Variants in KCNQ1 observed in about 807,000 individuals in gnomAD.
KCNQ1 encodes the protein potassium voltage-gated channel subfamily KQT member 1.
Under a neutral mutation model 72.4 loss-of-function variants are expected in KCNQ1, and 49 were observed. The ratio of observed to expected loss-of-function variants is 0.68; its 90% CI spans 0.54 to 0.86. KCNQ1 has a LOEUF of 0.86. KCNQ1 is among the 40% of genes least tolerant of loss of function. The probability of loss-of-function intolerance (pLI) is 0.00; values close to 1 mark genes in which losing one functional copy is unlikely to be tolerated. For missense variants in KCNQ1, 790 were observed against 945.1 expected (o/e 0.84, Z 2.15); for synonymous variants, 450 against 412.6 (o/e 1.09, Z -1.10).
chr11:2,467,956 C>T (rs149247274), intron 1 of KCNQ1, among the ~76,000 whole-genome samples: 57 of 152,328 alleles, frequency 3.7e-4, no homozygotes, highest in Middle Eastern at 6.8e-3. Context: ...GCTGGCCCAG[C>T]GTGGGGACCT....
Position 2,682,818 on chromosome 11 carries a change from C to T in KCNQ1, c.1514+20737C>T, listed in dbSNP as rs901631509. The T allele has an allele frequency of 2.5e-6, 1 of 398,482 alleles. No individual in the cohort carries two copies. The highest frequency in any genetic ancestry group is 4.4e-6 in the Non-Finnish European group (1 of 226,074). The allele number at this position is 398,482 out of a possible 1,614,324, so 24.7% of individuals were successfully genotyped here. On this transcript the variant is annotated intron_variant, in intron 11 of 15. Coordinates refer to ENST00000155840, the MANE Select transcript of KCNQ1 (RefSeq NM_000218.3). The surrounding 1 kb of genome is among the most constrained non-coding windows in gnomAD (Gnocchi z 5.8). ...AATGCAGTGACTTGCAGTGATCCTC[C>T]TGGGGCCTTGTATAGAAGAGACCAT...
rs981441402 is a variant in KCNQ1 at position 2,674,396 on chromosome 11, C to T, written c.1514+12315C>T. The T allele has an allele frequency of 1.0e-4, 15 of 148,450 alleles. No individual in the cohort carries two copies. Among genetic ancestry groups the T allele is most frequent in the East Asian group, 2.2e-4 (1 of 4,626 alleles). The allele number at this position is 148,450 out of a possible 1,614,324, so 9.2% of individuals were successfully genotyped here. A position where few individuals can be genotyped will look rare whatever the true frequency, so the allele number is the denominator to read the frequency against. On this transcript the variant is annotated intron_variant, in intron 11 of 15. Coordinates refer to ENST00000155840, the MANE Select transcript of KCNQ1 (RefSeq NM_000218.3). The surrounding 1 kb of genome is among the most constrained non-coding windows in gnomAD (Gnocchi z 5.9). ...CCTGCTTAGGGAAGGTGCATGCGTG[C>T]GTGTGTGTGTGCGCGCCCGCGCGCA...
At chr11:2,708,996 A>G (rs1371082447) in intron 11 of KCNQ1, among the ~76,000 whole-genome samples, 1 of 152,068 alleles carries the variant, frequency 6.6e-6, no homozygotes, top group Non-Finnish European at 1.5e-5. Context: ...TCAGAGAAGC[A>G]TATGTTTAAA....
chr11:2,634,021 G>A (rs1211795113), intron 10 of KCNQ1: 3 of 398,424 alleles, frequency 7.5e-6, no homozygotes, highest in African/African-American at 4.1e-5. Flanking sequence ...GCAGTGTAGT[G>A]CCTCCAGCTT....
chr11:2,810,445 TC>T (rs1296036025), intron 15 of KCNQ1, among the ~76,000 whole-genome samples: 1 of 152,136 alleles, frequency 6.6e-6, no homozygotes, highest in Non-Finnish European at 1.5e-5. Flanking sequence ...TCAACTTTCT[TC>T]CCCTTTTTTA....
At chr11:2,578,585 G>A (rs181529529) in intron 6 of KCNQ1, among the ~76,000 whole-genome samples, 1 of 152,368 alleles carries the variant, frequency 6.6e-6, no homozygotes, top group East Asian at 1.9e-4. Context: ...TTGGCCCAGA[G>A]CCTCCATGAA....
rs1013656304 is a variant in KCNQ1, at chr11:2,471,984, A to G, written c.386+26500A>G. ...CATATATATGGGTGTGTGTGCACCT[A>G]TGTGTATAAGTGTGTGTGCACATGT... On this transcript the variant is annotated intron_variant, in intron 1 of 15. Transcript: ENST00000155840. The surrounding 1 kb of genome is among the most constrained non-coding windows in gnomAD (Gnocchi z 4.8). Among the ~76,000 whole-genome samples the G allele has an allele frequency of 6.8e-6, 1 of 147,910 alleles. No individual in the cohort carries two copies. The highest frequency in any genetic ancestry group is 2.1e-4 in the East Asian group (1 of 4,868).
rs1244320119 is a variant in KCNQ1, at chr11:2,670,777, T to G, written c.1514+8696T>G. The G allele has an allele frequency of 7.5e-6, 3 of 398,614 alleles. No individual in the cohort carries two copies. The highest frequency in any genetic ancestry group is 1.3e-5 in the Non-Finnish European group (3 of 226,082). 24.7% of individuals were successfully genotyped at this position (398,614 alleles called of 1,614,324 possible). ...GCCAGTGGCTCTTGTGGCTGCCCTCTGCAATAAGAATTCTTCAAGTTCAGC... is the reference window on the plus strand; with the variant it reads ...GCCAGTGGCTCTTGTGGCTGCCCTCGGCAATAAGAATTCTTCAAGTTCAGC... On this transcript the variant is annotated intron_variant, in intron 11 of 15. Transcript: ENST00000155840. This position sits in a 1 kb window ranked among gnomAD's most constrained non-coding sequence, Gnocchi z 4.9.
rs972146885 is a variant in KCNQ1, at chr11:2,564,467, G to A, written c.478-6161G>A. ...AAAGATTAGCCGGGTGTGGTGGTGG[G>A]TGCCTCTAATCCAGCTACTCAGGGG... On this transcript the variant is annotated intron_variant, in intron 2 of 15. Transcript: ENST00000155840. This position sits in a 1 kb window ranked among gnomAD's most constrained non-coding sequence, Gnocchi z 4.5. Among the ~76,000 whole-genome samples the A allele has an allele frequency of 5.3e-5, 8 of 152,076 alleles. No individual in the cohort carries two copies. The highest frequency in any genetic ancestry group is 7.4e-5 in the Non-Finnish European group (5 of 68,006).
rs1846511780 is a variant in KCNQ1 at position 2,767,097 on chromosome 11, G to C, written c.1515-1747G>C. On this transcript the variant is annotated intron_variant, in intron 11 of 15. Transcript: ENST00000155840. This position sits in a 1 kb window ranked among gnomAD's most constrained non-coding sequence, Gnocchi z 4.6. Reference sequence around the variant, plus strand: ...GCAGAAAAATCACTTGAACCCGGGAGGCGGAGGCTGCAGTGAGCCGAGGTT... The same window carrying C: ...GCAGAAAAATCACTTGAACCCGGGACGCGGAGGCTGCAGTGAGCCGAGGTT... 6.6e-6 allele frequency among the ~76,000 whole-genome samples: 1 copy of C among 152,252 alleles called. No individual in the cohort carries two copies. The highest frequency in any genetic ancestry group is 6.5e-5 in the Admixed American group (1 of 15,294).
intron 13 of KCNQ1, among the ~76,000 whole-genome samples, 166 bp from the exon 14 acceptor site, chr11:2,776,820 G>T (rs886879798): frequency 6.6e-6 from 1 of 152,214 alleles, no homozygotes; most frequent in Non-Finnish European, 1.5e-5. Context: ...TGGCCCTCTG[G>T]GGGGTTGGGA....
In KCNQ1 at chr11:2,647,903, A is replaced by T. The variant is rs1453542383; in HGVS notation, c.1394-14058A>T. ...GGTTAGTCTAGCTAATGGTTTATTGATTTTCTCTTTTCAAAAAATCAGTTT... is the reference window on the plus strand; with the variant it reads ...GGTTAGTCTAGCTAATGGTTTATTGTTTTTCTCTTTTCAAAAAATCAGTTT... On this transcript the variant is annotated intron_variant, in intron 10 of 15. Coordinates refer to ENST00000155840, the MANE Select transcript of KCNQ1 (RefSeq NM_000218.3). The surrounding 1 kb of genome is among the most constrained non-coding windows in gnomAD (Gnocchi z 4.0). 2 of 397,792 alleles carry T rather than the reference A, an allele frequency of 5.0e-6. No individual in the cohort carries two copies. Among genetic ancestry groups the T allele is most frequent in the Non-Finnish European group, 8.9e-6 (2 of 225,918 alleles). 24.6% of individuals were successfully genotyped at this position (397,792 alleles called of 1,614,324 possible).
intron 10 of KCNQ1, chr11:2,635,168 A>G (rs544538582): frequency 8.9e-4 from 135 of 152,276 alleles, no homozygotes; most frequent in African/African-American, 3.1e-3. Flanking sequence ...TTTGCTGTGC[A>G]GAAGCTCTTT....
chr11:2,692,532 C>T, intron 11 of KCNQ1: 1 of 398,816 alleles, frequency 2.5e-6, no homozygotes. Flanking sequence ...TCCCTACCAC[C>T]AGAGGGCCCT....
rs906843118 is a variant in KCNQ1 at position 2,620,075 on chromosome 11, G to A, written c.1393+31221G>A. 35 of 398,092 alleles carry A rather than the reference G, an allele frequency of 8.8e-5. No individual in the cohort carries two copies. Among genetic ancestry groups the A allele is most frequent in the African/African-American group, 6.8e-4 (33 of 48,458 alleles). 24.7% of individuals were successfully genotyped at this position (398,092 alleles called of 1,614,324 possible). A position where few individuals can be genotyped will look rare whatever the true frequency, so the allele number is the denominator to read the frequency against. ...TCATCTTTATGTCCATGTTTACTCA[G>A]TGTTTAGGTCCCACTTGCAAGTGGT... On this transcript the variant is annotated intron_variant, in intron 10 of 15. Transcript: ENST00000155840. The surrounding 1 kb of genome is among the most constrained non-coding windows in gnomAD (Gnocchi z 4.5).
At chr11:2,662,274 G>A in intron 11 of KCNQ1, 193 bp downstream of exon 11, 3 of 636,550 alleles carry the variant, frequency 4.7e-6, no homozygotes, top group Non-Finnish European at 8.2e-6. Context: ...TTCCCACTGA[G>A]CCTGGGAACA....
chr11:2,654,589 G>A lies in KCNQ1; in HGVS notation c.1394-7372G>A. On this transcript the variant is annotated intron_variant, in intron 10 of 15. Transcript: ENST00000155840. This position sits in a 1 kb window ranked among gnomAD's most constrained non-coding sequence, Gnocchi z 6.4. ...TTAATCAATCAGGAGGGGAAGGGCA[G>A]GGGGTGAGTGGTTGGGTGAAGTTAC... 1 of 398,634 alleles carries A rather than the reference G, an allele frequency of 2.5e-6. No homozygotes were observed. Among genetic ancestry groups the A allele is most frequent in the Non-Finnish European group, 4.4e-6 (1 of 226,214 alleles). 24.7% of individuals were successfully genotyped at this position (398,634 alleles called of 1,614,324 possible). A position where few individuals can be genotyped will look rare whatever the true frequency, so the allele number is the denominator to read the frequency against.
Position 2,498,101 on chromosome 11 carries a change from T to C in KCNQ1, c.387-29827T>C, listed in dbSNP as rs771168784. Among the ~76,000 whole-genome samples the C allele has an allele frequency of 3.9e-5, 6 of 152,196 alleles. No homozygotes were observed. The highest frequency in any genetic ancestry group is 7.3e-5 in the Non-Finnish European group (5 of 68,028). On this transcript the variant is annotated intron_variant, in intron 1 of 15. Transcript: ENST00000155840. The surrounding 1 kb of genome is among the most constrained non-coding windows in gnomAD (Gnocchi z 4.8). ...AACCAGAGCTCTCCTGTTTGAGGTGTCTGTTGACCCCTGTTGGGAGGTCTT... is the reference window on the plus strand; with the variant it reads ...AACCAGAGCTCTCCTGTTTGAGGTGCCTGTTGACCCCTGTTGGGAGGTCTT...
rs1194815942 is a variant in KCNQ1 at position 2,674,623 on chromosome 11, C to T, written c.1514+12542C>T. On this transcript the variant is annotated intron_variant, in intron 11 of 15. Coordinates refer to ENST00000155840, the MANE Select transcript of KCNQ1 (RefSeq NM_000218.3). This position sits in a 1 kb window ranked among gnomAD's most constrained non-coding sequence, Gnocchi z 5.9. ...AGGCTCTGGCTTAAAACAGTCACAG[C>T]GAAACATGCCTTTGAATTGGAAAGC... The T allele has an allele frequency of 1.8e-5, 7 of 398,390 alleles. No individual in the cohort carries two copies. Among genetic ancestry groups the T allele is most frequent in the Admixed American group, 4.4e-5 (1 of 22,708 alleles). 24.7% of individuals were successfully genotyped at this position (398,390 alleles called of 1,614,324 possible).
Sources: allele counts gnomAD v4.1 joint callset (sites outside exome capture counted in the v4.1 genomes callset), GRCh38; gene constraint gnomAD v4.1.1; non-coding constraint Gnocchi (gnomAD v3.1); transcripts MANE v1.5; gene names NCBI Gene and HGNC (gene_info 2026-07-23, HGNC 2026-07-21).